ATF2: variants seen among roughly 807,000 people sequenced by gnomAD.
The protein encoded by ATF2 is activating transcription factor 2.
ATF2 carries 24 observed loss-of-function variants against 60.6 expected under a neutral mutation model. The ratio of observed to expected loss-of-function variants is 0.40; its 90% CI spans 0.29 to 0.56. The LOEUF (loss-of-function observed/expected upper bound fraction) is 0.56. Among genes scored for constraint, ATF2 ranks in the 20% least tolerant of loss-of-function variants. The probability of loss-of-function intolerance (pLI) is 0.54; values close to 1 mark genes in which losing one functional copy is unlikely to be tolerated. For missense variants in ATF2, 433 were observed against 607.7 expected, an observed-to-expected ratio of 0.71 and a Z score of 3.02; for synonymous variants, 206 against 215.4, an observed-to-expected ratio of 0.96 and a Z score of 0.38.
At chr2:175,075,000 C>A in intron 13 of ATF2, 165 bp from the exon 14 acceptor site, 1 of 1,498,318 alleles carries the variant, frequency 6.7e-7, no homozygotes, top group South Asian at 1.3e-5. Context: ...GCAATTTTAC[C>A]TGCAATAGGT....
intron 2 of ATF2, among the ~76,000 whole-genome samples, chr2:175,146,840 C>T (rs772386069): frequency 2.4e-4 from 37 of 152,128 alleles, no homozygotes; most frequent in Admixed American, 2.0e-4. Flanking sequence ...TATCTACAGT[C>T]TCAGGCATCC....
chr2:175,145,607 A>C (rs541532389), intron 2 of ATF2, among the ~76,000 whole-genome samples: 1 of 152,296 alleles, frequency 6.6e-6, no homozygotes, highest in South Asian at 2.1e-4. Context: ...AGAATGGCCT[A>C]ATACGGTGCG....
At chr2:175,157,003 T>G (rs997420909) in intron 1 of ATF2, among the ~76,000 whole-genome samples, 1 of 152,148 alleles carries the variant, frequency 6.6e-6, no homozygotes, top group Non-Finnish European at 1.5e-5. Flanking sequence ...TTTTGTAACA[T>G]TTTACATAAC....
At chr2:175,139,719 C>T (rs1370954677) in intron 2 of ATF2, among the ~76,000 whole-genome samples, 1 of 151,168 alleles carries the variant, frequency 6.6e-6, no homozygotes, top group Non-Finnish European at 1.5e-5. Context: ...AATACCACCA[C>T]TCCTTTAATC....
intron 2 of ATF2, among the ~76,000 whole-genome samples, chr2:175,150,557 C>A (rs1322796464): frequency 2.6e-5 from 4 of 152,092 alleles, no homozygotes; most frequent in Non-Finnish European, 4.4e-5. Context: ...TTCCAATTAA[C>A]GTTTCTGATC....
intron 1 of ATF2, among the ~76,000 whole-genome samples, chr2:175,160,147 A>T (rs1699927235): frequency 6.6e-6 from 1 of 152,174 alleles, no homozygotes; most frequent in African/African-American, 2.4e-5. Context: ...CGCTTTGTGA[A>T]GCTGAGATGG....
chr2:175,120,083 C>T (rs1383529959), intron 5 of ATF2, among the ~76,000 whole-genome samples: 1 of 151,652 alleles, frequency 6.6e-6, no homozygotes, highest in Admixed American at 6.6e-5. Flanking sequence ...TTTTCTACTG[C>T]ATTAAATGTG....
At chr2:175,105,075 T>C (rs1044988942) in intron 10 of ATF2, among the ~76,000 whole-genome samples, 1 of 152,134 alleles carries the variant, frequency 6.6e-6, no homozygotes, top group African/African-American at 2.4e-5. Flanking sequence ...AGAAAGACAA[T>C]TGAGAGAATT....
At chr2:175,159,537 T>C (rs958962232) in intron 1 of ATF2, among the ~76,000 whole-genome samples, 4 of 152,076 alleles carry the variant, frequency 2.6e-5, no homozygotes, top group East Asian at 1.9e-4. Flanking sequence ...CCCAAGAGTA[T>C]ACTAAAATTT....
intron 12 of ATF2, among the ~76,000 whole-genome samples, chr2:175,082,412 G>T (rs1162627994): frequency 6.6e-6 from 1 of 152,102 alleles, no homozygotes; most frequent in Admixed American, 6.5e-5. Flanking sequence ...TGTCAATACT[G>T]CTAATTATAG....
At chr2:175,115,839 G>A (rs1290984185) in intron 7 of ATF2, among the ~76,000 whole-genome samples, 1 of 152,158 alleles carries the variant, frequency 6.6e-6, no homozygotes, top group Non-Finnish European at 1.5e-5. Context: ...TGAAAGATTA[G>A]CTGAAGGTAA....
chr2:175,076,171 A>G (rs1053569720), intron 13 of ATF2, among the ~76,000 whole-genome samples: 6 of 152,134 alleles, frequency 3.9e-5, no homozygotes, highest in African/African-American at 1.4e-4. Flanking sequence ...AATTTTGTGC[A>G]TTTTCTGAAA....
chr2:175,156,943 C>G (rs1354745712), intron 1 of ATF2, among the ~76,000 whole-genome samples: 1 of 152,120 alleles, frequency 6.6e-6, no homozygotes, highest in African/African-American at 2.4e-5. Flanking sequence ...TTGTGCCCCA[C>G]GACTTCAACA....
intron 13 of ATF2, among the ~76,000 whole-genome samples, chr2:175,077,960 T>G (rs765211194): frequency 3.9e-5 from 6 of 152,134 alleles, no homozygotes; most frequent in Non-Finnish European, 8.8e-5. Flanking sequence ...GTTCTCTACC[T>G]ATGTCCACAA....
At position 175,080,658 on chromosome 2, in the gene ATF2, A is replaced by C; in HGVS notation, c.1291+2T>G. 1 of 1,611,794 alleles carries C rather than the reference A, an allele frequency of 6.2e-7. No homozygotes were observed. ...GGCTATAGGTAATGGAACATTACTC[A>C]CTATGATAGCCAGATTTCTTCTGCA... On this transcript the variant is annotated splice_donor_variant, in intron 13 of 13. Coordinates refer to ENST00000264110, the MANE Select transcript of ATF2 (RefSeq NM_001880.4). LOFTEE classifies it high-confidence loss of function.
chr2:175,081,310 T>C (rs1432389433), intron 12 of ATF2, among the ~76,000 whole-genome samples: 1 of 152,164 alleles, frequency 6.6e-6, no homozygotes, highest in African/African-American at 2.4e-5. Flanking sequence ...CCAATGAAAC[T>C]AGATATAACA....
chr2:175,095,888 C>T (rs1694903339), intron 11 of ATF2, among the ~76,000 whole-genome samples: 2 of 152,138 alleles, frequency 1.3e-5, no homozygotes, highest in African/African-American at 4.8e-5. Flanking sequence ...CAAAAACACC[C>T]ATGGGTTGCA....
At chr2:175,143,589 C>T (rs894553765) in intron 2 of ATF2, among the ~76,000 whole-genome samples, 2 of 152,158 alleles carry the variant, frequency 1.3e-5, no homozygotes, top group Non-Finnish European at 2.9e-5. Context: ...TCCAAATATA[C>T]AGTATTGATT....
At chr2:175,108,851 G>C (rs1695956759) in intron 10 of ATF2, among the ~76,000 whole-genome samples, 1 of 152,218 alleles carries the variant, frequency 6.6e-6, no homozygotes, top group African/African-American at 2.4e-5. Context: ...GCCTTGGGAT[G>C]CTGTTGATCT....
Sources: allele counts gnomAD v4.1 joint callset (sites outside exome capture counted in the v4.1 genomes callset), GRCh38; gene constraint gnomAD v4.1.1; transcripts MANE v1.5; gene names NCBI Gene and HGNC (gene_info 2026-07-23, HGNC 2026-07-21).